Variants in ELMOD2 observed in about 807,000 individuals in gnomAD.
The protein encoded by ELMOD2 is ELMO domain containing 2.
In ELMOD2, 28 loss-of-function variants were observed where a neutral mutation model predicts 41.0. That is an observed-to-expected ratio of 0.68 (90% CI 0.51 to 0.94). The LOEUF (loss-of-function observed/expected upper bound fraction) is 0.94, where lower values mean the gene tolerates loss of function less well. Ranked by LOEUF, ELMOD2 falls within the 40% of genes least tolerant of loss-of-function variation. The pLI, the probability that ELMOD2 is intolerant of heterozygous loss-of-function variation, is 0.00. For missense variants in ELMOD2, 333 were observed against 343.1 expected (o/e 0.97, Z 0.23); for synonymous variants, 106 against 107.2 (o/e 0.99, Z 0.07).
At chr4:140,532,823 T>G (rs188230775) in intron 3 of ELMOD2, among the ~76,000 whole-genome samples, 16 of 152,256 alleles carry the variant, frequency 1.1e-4, no homozygotes, top group East Asian at 7.7e-4. Flanking sequence ...TGGAAAGAAA[T>G]AAATTATATT....
At chr4:140,524,507 C>T (rs1734487468) in intron 1 of ELMOD2, 8 of 783,136 alleles carry the variant, frequency 1.0e-5, no homozygotes, top group Non-Finnish European at 1.2e-5. Flanking sequence ...TGCATCCCCT[C>T]TGCTCGGCAG....
intron 6 of ELMOD2, among the ~76,000 whole-genome samples, chr4:140,540,919 A>G (rs1425219349): frequency 6.6e-6 from 1 of 151,848 alleles, no homozygotes. Flanking sequence ...CTCTGATTCT[A>G]TTTTGGCAAA....
intron 3 of ELMOD2, among the ~76,000 whole-genome samples, chr4:140,529,240 C>G (rs1734664234): frequency 6.6e-6 from 1 of 152,286 alleles, no homozygotes; most frequent in Non-Finnish European, 1.5e-5. Context: ...AGTATGCTGT[C>G]TGGGGACTGT....
chr4:140,534,459 G>A (rs1734849073), intron 3 of ELMOD2, among the ~76,000 whole-genome samples: 1 of 152,094 alleles, frequency 6.6e-6, no homozygotes, highest in South Asian at 2.1e-4. Context: ...TATCATAGTA[G>A]GGATGTGGAT....
chr4:140,534,081 A>G (rs1443366069), intron 3 of ELMOD2, among the ~76,000 whole-genome samples: 1 of 152,180 alleles, frequency 6.6e-6, no homozygotes, highest in Non-Finnish European at 1.5e-5. Context: ...TAGGTGTCTA[A>G]GAAATGAAAA....
At chr4:140,527,628 A>G (rs1734612968) in intron 3 of ELMOD2, 134 bp downstream of exon 3, 1 of 679,410 alleles carries the variant, frequency 1.5e-6, no homozygotes, top group Non-Finnish European at 2.4e-6. Flanking sequence ...TTTAGAGGTA[A>G]TATTCTGTTT....
intron 3 of ELMOD2, among the ~76,000 whole-genome samples, chr4:140,534,481 A>G (rs146345837): frequency 6.6e-6 from 1 of 152,134 alleles, no homozygotes; most frequent in South Asian, 2.1e-4. Flanking sequence ...ATCTGGATGT[A>G]TGTATTTGTC....
chr4:140,538,439 T>C (rs1734999303), intron 5 of ELMOD2, among the ~76,000 whole-genome samples: 1 of 152,244 alleles, frequency 6.6e-6, no homozygotes, highest in Non-Finnish European at 1.5e-5. Context: ...GGCTTTTTTT[T>C]CATTAAAAGT....
chr4:140,531,831 T>TA (rs1208240825), intron 3 of ELMOD2, among the ~76,000 whole-genome samples: 2 of 152,212 alleles, frequency 1.3e-5, no homozygotes, highest in South Asian at 2.1e-4. Context: ...AAAAAGAGAT[T>TA]AAAAATCTAA....
chr4:140,551,754 G>T lies in ELMOD2; in HGVS notation c.*1379G>T. 6.6e-6 allele frequency: 1 copy of T among 152,016 alleles called. No homozygotes were observed. The highest frequency in any genetic ancestry group is 2.4e-5 in the African/African-American group (1 of 41,428). 9.4% of individuals were successfully genotyped at this position (152,016 alleles called of 1,614,324 possible). A position where few individuals can be genotyped will look rare whatever the true frequency, so the allele number is the denominator to read the frequency against. On this transcript the variant is annotated 3_prime_UTR_variant, in exon 9 of 9. Transcript: ENST00000323570. ...GCTAGTATGTGATAGAGCAAGACCT[G>T]AGACTTTATAAGTATTTGCTCGTGT...
At chr4:140,534,151 C>T (rs1395763594) in intron 3 of ELMOD2, among the ~76,000 whole-genome samples, 1 of 152,014 alleles carries the variant, frequency 6.6e-6, no homozygotes, top group Non-Finnish European at 1.5e-5. Context: ...TGCAAATTTC[C>T]AGTACCAGGA....
chr4:140,550,094 A>G, intron 8 of ELMOD2, 136 bp from the exon 9 acceptor site: 1 of 721,134 alleles, frequency 1.4e-6, no homozygotes, highest in Non-Finnish European at 2.2e-6. Context: ...CAGGCTTCTA[A>G]TAGTTTTGAG....
chr4:140,535,857 T>C, intron 4 of ELMOD2, 27 bp downstream of exon 4: 1 of 1,578,718 alleles, frequency 6.3e-7, no homozygotes, highest in Non-Finnish European at 8.6e-7. Flanking sequence ...TTATTCTTTT[T>C]TATTATGCAT....
Position 140,550,396 on chromosome 4 carries a change from T to C in ELMOD2, c.*21T>C. The C allele has an allele frequency of 1.3e-6, 2 of 1,574,668 alleles. No individual in the cohort carries two copies. Among genetic ancestry groups the C allele is most frequent in the Non-Finnish European group, 1.7e-6 (2 of 1,163,828 alleles). On this transcript the variant is annotated 3_prime_UTR_variant, in exon 9 of 9. Transcript: ENST00000323570. ...TATAAATCATCCACTGTATCTTCTA[T>C]TTCTACCACATTTTGCACATTCAAC...
In ELMOD2 at chr4:140,527,501, T is replaced by G. The variant is rs1166254915; in HGVS notation, c.171+7T>G. 6.4e-7 allele frequency: 1 copy of G among 1,574,042 alleles called. No individual in the cohort carries two copies. The highest frequency in any genetic ancestry group is 2.0e-5 in the Admixed American group (1 of 49,292). ...GACATACTCCAAGAATAAGGTAGGA[T>G]AACATAAAGGTGGTAACTCTAGAAA... On this transcript the variant is annotated splice_region_variant and intron_variant, in intron 3 of 8. Transcript: ENST00000323570.
At chr4:140,547,760 C>G (rs1301169096) in intron 8 of ELMOD2, among the ~76,000 whole-genome samples, 1 of 152,132 alleles carries the variant, frequency 6.6e-6, no homozygotes, top group Non-Finnish European at 1.5e-5. Context: ...ATTTTCTAAT[C>G]CTTAACCTCT....
intron 8 of ELMOD2, among the ~76,000 whole-genome samples, chr4:140,545,252 C>T (rs1484448433): frequency 2.0e-5 from 3 of 152,104 alleles, no homozygotes; most frequent in African/African-American, 4.8e-5. Flanking sequence ...CATGACTTTT[C>T]TGATGCCACA....
At chr4:140,546,643 A>G (rs1213555207) in intron 8 of ELMOD2, among the ~76,000 whole-genome samples, 1 of 152,102 alleles carries the variant, frequency 6.6e-6, no homozygotes, top group South Asian at 2.1e-4. Flanking sequence ...AACTCCCCAA[A>G]CAATTAAGCA....
chr4:140,551,314 C>A lies in ELMOD2; in HGVS notation c.*939C>A, dbSNP rs1230845082. The A allele has an allele frequency of 2.0e-5, 3 of 151,972 alleles. No homozygotes were observed. The highest frequency in any genetic ancestry group is 4.4e-5 in the Non-Finnish European group (3 of 67,930). 9.4% of individuals were successfully genotyped at this position (151,972 alleles called of 1,614,324 possible). On this transcript the variant is annotated 3_prime_UTR_variant, in exon 9 of 9. Coordinates refer to ENST00000323570, the MANE Select transcript of ELMOD2 (RefSeq NM_153702.4). The stretch of plus-strand genomic sequence containing the variant: ...AAGAAAGCTTAAGTTTTAAAAAAAT[C>A]TCAGTTAAACATCATTGGTTTATTT...
Sources: allele counts gnomAD v4.1 joint callset (sites outside exome capture counted in the v4.1 genomes callset), GRCh38; gene constraint gnomAD v4.1.1; transcripts MANE v1.5; gene names NCBI Gene and HGNC (gene_info 2026-07-23, HGNC 2026-07-21).